Variants in KCNQ4 observed in about 807,000 individuals in gnomAD.
KCNQ4 encodes potassium voltage-gated channel subfamily KQT member 4.
Under a neutral mutation model 72.6 loss-of-function variants are expected in KCNQ4, and 31 were observed. The ratio of observed to expected loss-of-function variants is 0.43; its 90% CI spans 0.32 to 0.58. KCNQ4 has a LOEUF of 0.58. Ranked by LOEUF, KCNQ4 falls within the 20% of genes least tolerant of loss-of-function variation. The pLI is 0.08. For synonymous variants in KCNQ4, 405 were observed against 403.7 expected (o/e 1.00, Z -0.04); for missense variants, 869 against 962.6 (o/e 0.90, Z 1.29).
In KCNQ4 at chr1:40,786,754, G is replaced by A. The variant is rs117943253; in HGVS notation, c.314+2347G>A. Among the ~76,000 whole-genome samples, 100 of 152,286 alleles carry A rather than the reference G, an allele frequency of 6.6e-4. 1 individual carries two copies. The East Asian group carries it at 0.015, about 24-fold the overall frequency. Reference sequence around the variant, plus strand: ...CCTCTCTCTTGGATGAGGTAATAGAGTGGGAAAGAGCTTGGTAAGCTCCAG... The same window carrying A: ...CCTCTCTCTTGGATGAGGTAATAGAATGGGAAAGAGCTTGGTAAGCTCCAG... On this transcript the variant is annotated intron_variant, in intron 1 of 13. Transcript: ENST00000347132.
At chr1:40,802,399 G>A (rs1647606399) in intron 1 of KCNQ4, among the ~76,000 whole-genome samples, 1 of 152,184 alleles carries the variant, frequency 6.6e-6, no homozygotes, top group South Asian at 2.1e-4. Context: ...AAAGTAGCCG[G>A]CCGGGCGGGG....
intron 10 of KCNQ4, among the ~76,000 whole-genome samples, 192 bp downstream of exon 10, chr1:40,831,496 CTGTT>C (rs936579868): frequency 5.9e-5 from 9 of 152,322 alleles, no homozygotes; most frequent in African/African-American, 1.7e-4. Flanking sequence ...GGACATCAGA[CTGTT>C]TGGGAATCAC....
chr1:40,785,926 T>A (rs1185035764), intron 1 of KCNQ4, among the ~76,000 whole-genome samples: 8 of 152,134 alleles, frequency 5.3e-5, no homozygotes, highest in Admixed American at 5.2e-4. Flanking sequence ...TCAGCTGGGC[T>A]AGGCTGGGGC....
chr1:40,785,157 G>T (rs940049524), intron 1 of KCNQ4, among the ~76,000 whole-genome samples: 5 of 152,128 alleles, frequency 3.3e-5, no homozygotes, highest in African/African-American at 9.7e-5. Flanking sequence ...GAGGAGAGGG[G>T]TAGGTTTGGA....
At chr1:40,791,170 A>G (rs1393603011) in intron 1 of KCNQ4, among the ~76,000 whole-genome samples, 1 of 151,784 alleles carries the variant, frequency 6.6e-6, no homozygotes, top group Non-Finnish European at 1.5e-5. Flanking sequence ...GAAGGTGTCC[A>G]CCCCCACTCC....
At chr1:40,837,634 C>T (rs770388768) in intron 12 of KCNQ4, 31 bp from the exon 13 acceptor site, 3 of 1,606,170 alleles carry the variant, frequency 1.9e-6, no homozygotes. Flanking sequence ...CGGCGTGTCC[C>T]CGGGCCCTCT....
intron 9 of KCNQ4, among the ~76,000 whole-genome samples, chr1:40,829,089 C>T (rs1481708820): frequency 6.6e-6 from 1 of 152,240 alleles, no homozygotes; most frequent in Non-Finnish European, 1.5e-5. Context: ...GGAGGTTGCC[C>T]TCTTCTCCAG....
chr1:40,813,613 T>C (rs1474613614), intron 1 of KCNQ4, among the ~76,000 whole-genome samples: 1 of 152,148 alleles, frequency 6.6e-6, no homozygotes, highest in Admixed American at 6.5e-5. Context: ...AGAAGAGTCA[T>C]TGAGCAGGCA....
At chr1:40,790,313 A>T (rs1355604643) in intron 1 of KCNQ4, among the ~76,000 whole-genome samples, 6 of 152,216 alleles carry the variant, frequency 3.9e-5, no homozygotes, top group Admixed American at 6.5e-5. Flanking sequence ...GTTAGCCATG[A>T]TCATCGTTAC....
intron 9 of KCNQ4, chr1:40,826,562 C>T (rs1281697808): frequency 2.4e-6 from 1 of 420,912 alleles, no homozygotes; most frequent in Non-Finnish European, 5.0e-6. Context: ...CCGGCCCCAT[C>T]CCAGCAGCTC....
intron 1 of KCNQ4, among the ~76,000 whole-genome samples, chr1:40,786,065 G>A (rs917739002): frequency 6.6e-6 from 1 of 152,198 alleles, no homozygotes; most frequent in Non-Finnish European, 1.5e-5. Flanking sequence ...AGGCCCGTTG[G>A]AGTGAGGAAG....
chr1:40,786,591 C>T (rs959310656), intron 1 of KCNQ4, among the ~76,000 whole-genome samples: 29 of 152,216 alleles, frequency 1.9e-4, no homozygotes, highest in African/African-American at 6.7e-4. Context: ...AATTGGTCAC[C>T]CATCTTAGAG....
At chr1:40,830,728 C>T (rs1340788977) in intron 9 of KCNQ4, among the ~76,000 whole-genome samples, 1 of 151,978 alleles carries the variant, frequency 6.6e-6, no homozygotes, top group Non-Finnish European at 1.5e-5. Context: ...CACCCTCTGC[C>T]CACTCACCTG....
chr1:40,829,234 C>T lies in KCNQ4; in HGVS notation c.1293-1850C>T, dbSNP rs900715746. ...GTGGAGGACAGGAGAAGGGGTTGCA[C>T]GGACCGGGCAGGGTGGAGGGTGCTT... On this transcript the variant is annotated intron_variant, in intron 9 of 13. Coordinates refer to ENST00000347132, the MANE Select transcript of KCNQ4 (RefSeq NM_004700.4). 1.2e-4 allele frequency among the ~76,000 whole-genome samples: 19 copies of T among 152,310 alleles called. 1 individual carries two copies. In the Middle Eastern group the frequency reaches 0.014, roughly 109 times the overall value.
At chr1:40,829,239 C>T (rs774600503) in intron 9 of KCNQ4, among the ~76,000 whole-genome samples, 37 of 152,320 alleles carry the variant, frequency 2.4e-4, no homozygotes, top group Non-Finnish European at 3.8e-4. Context: ...TTGCACGGAC[C>T]GGGCAGGGTG....
chr1:40,797,215 G>T (rs1647440813), intron 1 of KCNQ4, among the ~76,000 whole-genome samples: 1 of 152,210 alleles, frequency 6.6e-6, no homozygotes, highest in Non-Finnish European at 1.5e-5. Context: ...GAGTCCAGTG[G>T]GAGCCCAGCA....
chr1:40,838,435 A>C lies in KCNQ4; in HGVS notation c.2000A>C (p.Asp667Ala), dbSNP rs1282504981. The C allele has an allele frequency of 6.2e-7, 1 of 1,614,078 alleles. No homozygotes were observed. Among genetic ancestry groups the C allele is most frequent in the Non-Finnish European group, 8.5e-7 (1 of 1,179,958 alleles). The part of the protein sequence containing the change: ...VPLFDPDITS[D>A]YHSPVDHEDI... ...CTGTTCGACCCCGACATCACCTCCG[A>C]CTACCACAGCCCTGTGGACCACGAG... Residue 667 changes from aspartate (D) to alanine (A), a missense_variant, in exon 14 of 14, where the codon GAC becomes GCC. Around this residue, in one of 5 missense-constraint regions of KCNQ4, gnomAD observed 480 missense variants for 501.9 expected, o/e 0.96. Coordinates refer to ENST00000347132, the MANE Select transcript of KCNQ4 (RefSeq NM_004700.4).
At chr1:40,818,390 T>C in intron 3 of KCNQ4, 100 bp downstream of exon 3, 1 of 1,580,524 alleles carries the variant, frequency 6.3e-7, no homozygotes, top group Non-Finnish European at 8.6e-7. Context: ...CCCGCACAGA[T>C]TCAGCGGACC....
At chr1:40,812,305 A>C (rs1435504520) in intron 1 of KCNQ4, among the ~76,000 whole-genome samples, 1 of 152,156 alleles carries the variant, frequency 6.6e-6, no homozygotes, top group Non-Finnish European at 1.5e-5. Flanking sequence ...CCCCCAAGCT[A>C]GAATGCAGTG....
Sources: gnomAD v4.1 joint callset for allele counts (sites outside exome capture counted in the v4.1 genomes callset) on GRCh38, gnomAD v4.1.1 for gene constraint, gnomAD v4.1.1 regional missense constraint, MANE v1.5 for transcripts, NCBI Gene and HGNC (gene_info 2026-07-23, HGNC 2026-07-21) for gene names.